The following SLC37A1 variants were observed in gnomAD, a reference collection of about 807,000 sequenced individuals.
The protein encoded by SLC37A1 is glucose-6-phosphate exchanger SLC37A1.
Under a neutral mutation model 75.3 loss-of-function variants are expected in SLC37A1, and 49 were observed. The ratio of observed to expected loss-of-function variants is 0.65; its 90% CI spans 0.52 to 0.83. The LOEUF (loss-of-function observed/expected upper bound fraction) is 0.83. SLC37A1 is among the 40% of genes least tolerant of loss of function. The pLI is 0.00. For synonymous variants in SLC37A1, 268 were observed against 292.1 expected (o/e 0.92, Z 0.84); for missense variants, 566 against 695.0 (o/e 0.81, Z 2.09).
At chr21:42,515,908 A>G (rs373045921) in intron 1 of SLC37A1, among the ~76,000 whole-genome samples, 17 of 152,112 alleles carry the variant, frequency 1.1e-4, no homozygotes, top group Admixed American at 3.9e-4. Flanking sequence ...ACAGGTGTGC[A>G]CCACCACGCC....
At chr21:42,507,579 A>C (rs1354887056) in intron 2 of SLC37A1, among the ~76,000 whole-genome samples, 5 of 152,220 alleles carry the variant, frequency 3.3e-5, no homozygotes, top group Non-Finnish European at 7.3e-5. Flanking sequence ...AGGCTGGGTA[A>C]TTTATAAAGA....
At chr21:42,510,498 A>T (rs1377539250), upstream of SLC37A1, among the ~76,000 whole-genome samples, 4 of 145,788 alleles carry the variant, frequency 2.7e-5, no homozygotes, top group Non-Finnish European at 6.0e-5. Context: ...CCAGAAAGCA[A>T]TTTTTTAAAT....
At position 42,580,689 on chromosome 21, in the gene SLC37A1, G is replaced by T. The variant is rs1370425903; in HGVS notation, c.*329G>T. On this transcript the variant is annotated 3_prime_UTR_variant, in exon 20 of 20. Transcript: ENST00000352133. The stretch of plus-strand genomic sequence containing the variant: ...ACAACAAGGCCGGGAGGGTGGGGGG[G>T]GTGCACAGGTAGCCCCGACCCTCTC... 5 of 341,528 alleles carry T rather than the reference G, an allele frequency of 1.5e-5. No homozygotes were observed. The highest frequency in any genetic ancestry group is 2.7e-5 in the Non-Finnish European group (5 of 181,970). 21.2% of individuals were successfully genotyped at this position (341,528 alleles called of 1,614,324 possible).
chr21:42,522,658 A>C (rs1384073003), intron 2 of SLC37A1, among the ~76,000 whole-genome samples: 1 of 152,244 alleles, frequency 6.6e-6, no homozygotes, highest in African/African-American at 2.4e-5. Flanking sequence ...ACACCAGCTA[A>C]ATAAATACAG....
chr21:42,544,305 A>G (rs1043764366), intron 8 of SLC37A1, among the ~76,000 whole-genome samples: 2 of 152,184 alleles, frequency 1.3e-5, no homozygotes, highest in Non-Finnish European at 2.9e-5. Context: ...CAGCTCCCTC[A>G]TGCTGCCTGC....
chr21:42,573,062 T>G (rs1056487009), intron 17 of SLC37A1, among the ~76,000 whole-genome samples: 2 of 151,916 alleles, frequency 1.3e-5, no homozygotes, highest in Admixed American at 6.5e-5. Context: ...CATGGAAGCT[T>G]GGTGGAAGCT....
At chr21:42,566,642 G>A (rs971271736) in intron 15 of SLC37A1, among the ~76,000 whole-genome samples, 1 of 152,142 alleles carries the variant, frequency 6.6e-6, no homozygotes, top group Non-Finnish European at 1.5e-5. Context: ...AAATGACCTG[G>A]TCCGGAGAGA....
At chr21:42,535,579 T>C in intron 5 of SLC37A1, 29 bp downstream of exon 5, 1 of 1,595,728 alleles carries the variant, frequency 6.3e-7, no homozygotes. Context: ...TCCAGACCCT[T>C]CCTGGTTACC....
upstream of SLC37A1, among the ~76,000 whole-genome samples, chr21:42,511,326 C>T (rs1318533674): frequency 6.6e-6 from 1 of 152,134 alleles, no homozygotes; most frequent in Non-Finnish European, 1.5e-5. Flanking sequence ...GTATGGGATG[C>T]AGCAAAAGCA....
At chr21:42,534,076 C>T (rs1254798697) in intron 3 of SLC37A1, among the ~76,000 whole-genome samples, 2 of 152,238 alleles carry the variant, frequency 1.3e-5, no homozygotes, top group Non-Finnish European at 2.9e-5. Context: ...TGGACCCTTT[C>T]TGGCTCCCAG....
chr21:42,549,456 C>T (rs956839218), intron 9 of SLC37A1, among the ~76,000 whole-genome samples: 10 of 152,204 alleles, frequency 6.6e-5, no homozygotes, highest in Non-Finnish European at 8.8e-5. Context: ...CAGGTGTCCC[C>T]GACGTGCCCT....
Position 42,568,433 on chromosome 21 carries a change from CTG to C in SLC37A1, c.1420_1421del (p.Val474ArgfsTer57). 6.2e-7 allele frequency: 1 copy of C among 1,613,964 alleles called. No homozygotes were observed. Among genetic ancestry groups the C allele is most frequent in the Non-Finnish European group, 8.5e-7 (1 of 1,179,946 alleles). On this transcript the variant is annotated frameshift_variant, in exon 17 of 20. Coordinates refer to ENST00000352133, the MANE Select transcript of SLC37A1 (RefSeq NM_001320537.2). LOFTEE classifies it high-confidence loss of function. The stretch of plus-strand genomic sequence containing the variant: ...ACGGCCATCATTGACGGGACGGGCT[CTG>C]TAGGTGCGCAGAGAGTTTTAGCTCT...
At chr21:42,558,343 G>T (rs1362964408) in intron 10 of SLC37A1, among the ~76,000 whole-genome samples, 1 of 152,162 alleles carries the variant, frequency 6.6e-6, no homozygotes, top group Non-Finnish European at 1.5e-5. Context: ...TATGGCCATT[G>T]TGAACTCCTA....
In SLC37A1 at chr21:42,548,095, C is replaced by G. The variant is rs1420317794; in HGVS notation, c.768+955C>G. ...CCTACCCGGGCTAACATGTTAGTCA[C>G]GTCTGTGCCGAGTGTCAGACCCCAG... On this transcript the variant is annotated intron_variant, in intron 9 of 19. Coordinates refer to ENST00000352133, the MANE Select transcript of SLC37A1 (RefSeq NM_001320537.2). This position sits in a 1 kb window ranked among gnomAD's most constrained non-coding sequence, Gnocchi z 5.6. Among the ~76,000 whole-genome samples the G allele has an allele frequency of 6.6e-6, 1 of 152,178 alleles. No homozygotes were observed. Among genetic ancestry groups the G allele is most frequent in the African/African-American group, 2.4e-5 (1 of 41,436 alleles).
At chr21:42,560,663 CG>C (rs1430918839) in intron 11 of SLC37A1, among the ~76,000 whole-genome samples, 3 of 152,030 alleles carry the variant, frequency 2.0e-5, no homozygotes, top group African/African-American at 7.3e-5. Context: ...CAGAGGAGAA[CG>C]TCCCAGCCCA....
chr21:42,510,511 C>T (rs1489177859), upstream of SLC37A1, among the ~76,000 whole-genome samples: 1 of 107,494 alleles, frequency 9.3e-6, no homozygotes, highest in Non-Finnish European at 2.0e-5. Flanking sequence ...TTTTAAATGG[C>T]AGTAGTAAGT....
chr21:42,512,197 G>A (rs2054441941), upstream of SLC37A1, among the ~76,000 whole-genome samples: 11 of 118,762 alleles, frequency 9.3e-5, no homozygotes. Context: ...ATTTTTATTT[G>A]TCAGTTATAC....
intron 9 of SLC37A1, among the ~76,000 whole-genome samples, chr21:42,553,293 A>C (rs1741318294): frequency 6.6e-6 from 1 of 152,238 alleles, no homozygotes; most frequent in African/African-American, 2.4e-5. Flanking sequence ...TTTATACTAG[A>C]GTGAGTGAAT....
chr21:42,570,225 G>A (rs113510859), intron 17 of SLC37A1, among the ~76,000 whole-genome samples: 840 of 45,246 alleles, frequency 0.019, 39 homozygotes, highest in African/African-American at 0.036. Flanking sequence ...CAGGGTGGCC[G>A]TTGCCATGTC....
Sources: allele counts gnomAD v4.1 joint callset (sites outside exome capture counted in the v4.1 genomes callset), GRCh38; gene constraint gnomAD v4.1.1; non-coding constraint Gnocchi (gnomAD v3.1); transcripts MANE v1.5; gene names NCBI Gene and HGNC (gene_info 2026-07-23, HGNC 2026-07-21).